Variants in MYT1L observed in about 807,000 individuals in gnomAD.
The protein encoded by MYT1L is myelin transcription factor 1 like.
In MYT1L, 12 loss-of-function variants were observed where a neutral mutation model predicts 126.7. The observed-to-expected ratio is 0.09, with a 90% CI of 0.06 to 0.15. The LOEUF (loss-of-function observed/expected upper bound fraction) is 0.15, where lower values mean the gene tolerates loss of function less well. Ranked by LOEUF, MYT1L falls within the 10% of genes least tolerant of loss-of-function variation. The pLI, the probability that MYT1L is intolerant of heterozygous loss-of-function variation, is 1.00. For missense variants in MYT1L, 979 were observed against 1,585.2 expected (o/e 0.62, Z 6.49); for synonymous variants, 541 against 604.2 (o/e 0.90, Z 1.53).
In MYT1L at chr2:2,017,726, C is replaced by CTCCATCCATCCA. The variant is rs146462005; in HGVS notation, c.-157-20391_-157-20380dup. Among the ~76,000 whole-genome samples the CTCCATCCATCCA allele has an allele frequency of 8.5e-3, 1,290 of 151,968 alleles. 20 individuals are homozygous for CTCCATCCATCCA. The highest frequency in any genetic ancestry group is 0.029 in the African/African-American group (1,184 of 41,414). On this transcript the variant is annotated intron_variant, in intron 4 of 24. Transcript: ENST00000647738. ...TATCTATCTATCTAACCATCCATCC[C>CTCCATCCATCCA]TCCATCCATCCATCCATCCATCCAT...
At chr2:1,916,243 G>A (rs1231901981) in intron 11 of MYT1L, among the ~76,000 whole-genome samples, 2 of 152,174 alleles carry the variant, frequency 1.3e-5, no homozygotes, top group Admixed American at 6.5e-5. Context: ...TCTTTGTGCT[G>A]ACAGGTTTTG....
intron 21 of MYT1L, among the ~76,000 whole-genome samples, chr2:1,817,302 A>C (rs890654432): frequency 6.6e-5 from 10 of 152,142 alleles, no homozygotes; most frequent in African/African-American, 2.4e-4. Flanking sequence ...CAGGGAGGCA[A>C]GTCCCCCATG....
intron 15 of MYT1L, among the ~76,000 whole-genome samples, chr2:1,890,244 A>G (rs1332311605): frequency 6.6e-6 from 1 of 151,822 alleles, no homozygotes; most frequent in Non-Finnish European, 1.5e-5. Context: ...TAATTTTTGT[A>G]TTTTTTAGTA....
At chr2:2,073,119 G>C (rs534539339) in intron 3 of MYT1L, among the ~76,000 whole-genome samples, 7 of 152,202 alleles carry the variant, frequency 4.6e-5, no homozygotes, top group African/African-American at 1.7e-4. Context: ...CATTTCAAAG[G>C]CCCAACTTCC....
intron 3 of MYT1L, among the ~76,000 whole-genome samples, chr2:2,065,498 A>G (rs73911317): frequency 0.029 from 4,409 of 152,156 alleles, 194 homozygotes; most frequent in African/African-American, 0.097. Flanking sequence ...CAAACTCCTC[A>G]TCATTTTAAA....
Position 1,943,097 on chromosome 2 carries a change from C to T in MYT1L, c.390G>A (p.Glu130=). 6.8e-7 allele frequency: 1 copy of T among 1,470,742 alleles called. No individual in the cohort carries two copies. Among genetic ancestry groups the T allele is most frequent in the Non-Finnish European group, 9.3e-7 (1 of 1,073,020 alleles). The allele number at this position is 1,470,742 out of a possible 1,614,324, so 91.1% of individuals were successfully genotyped here. ...CCTCCTCCTCGATCTCCTCCTCCTC[C>T]TCCCGGTCCCCCTCCTCGTCCTCCT... ...EDEEDEEGDR[E]EEEEIEEEDE... The change falls in exon 9 of 25, where the codon GAG becomes GAA. Residue 130 remains glutamate, a synonymous_variant. Transcript: ENST00000647738. The surrounding 1 kb of genome is among the most constrained non-coding windows in gnomAD (Gnocchi z 4.4).
Position 2,018,032 on chromosome 2 carries a change from A to G in MYT1L, c.-157-20685T>C, listed in dbSNP as rs909295813. On this transcript the variant is annotated intron_variant, in intron 4 of 24. Transcript: ENST00000647738. ...TTCTCACTATTCGTGCCTTTATCCT[A>G]TACACACACAAACGCACACACGTAC... Among the ~76,000 whole-genome samples the G allele has an allele frequency of 2.8e-4, 43 of 152,292 alleles. 1 individual carries two copies. Among genetic ancestry groups the G allele is most frequent in the African/African-American group, 1.0e-3 (43 of 41,558 alleles).
chr2:1,925,088 G>T (rs1055643454), intron 9 of MYT1L, among the ~76,000 whole-genome samples: 2 of 152,176 alleles, frequency 1.3e-5, no homozygotes, highest in Non-Finnish European at 2.9e-5. Context: ...ACCACGAGAT[G>T]AATGATAAGC....
intron 2 of MYT1L, among the ~76,000 whole-genome samples, chr2:2,217,846 C>T (rs1187720263): frequency 6.6e-6 from 1 of 152,036 alleles, no homozygotes; most frequent in Non-Finnish European, 1.5e-5. Context: ...ATCTAGAATA[C>T]AAAAAGAGCT....
At chr2:2,256,009 C>T (rs940364517) in intron 2 of MYT1L, among the ~76,000 whole-genome samples, 21 of 152,284 alleles carry the variant, frequency 1.4e-4, no homozygotes, top group African/African-American at 3.9e-4. Context: ...GGAGCCATAG[C>T]GGGGTAAAAG....
chr2:1,900,449 G>A (rs1341477410), intron 14 of MYT1L, among the ~76,000 whole-genome samples: 3 of 152,072 alleles, frequency 2.0e-5, no homozygotes, highest in Non-Finnish European at 2.9e-5. Context: ...ACAGGCACCC[G>A]CCACCACGCC....
intron 14 of MYT1L, among the ~76,000 whole-genome samples, chr2:1,897,563 C>T (rs531802741): frequency 2.0e-5 from 3 of 152,126 alleles, no homozygotes; most frequent in East Asian, 1.9e-4. Context: ...CTCAGGCTCA[C>T]GTGATTCTCT....
At chr2:1,919,981 G>T (rs886725999) in intron 10 of MYT1L, among the ~76,000 whole-genome samples, 1 of 152,160 alleles carries the variant, frequency 6.6e-6, no homozygotes. Flanking sequence ...TTTTTTTAAG[G>T]GAGTTTCTTT....
intron 3 of MYT1L, among the ~76,000 whole-genome samples, chr2:2,103,213 A>G (rs2078314110): frequency 6.6e-6 from 1 of 152,196 alleles, no homozygotes; most frequent in African/African-American, 2.4e-5. Flanking sequence ...GCAATGAAAC[A>G]AATATACTTA....
Position 1,894,708 on chromosome 2 carries a change from G to A in MYT1L, c.2033-2421C>T, listed in dbSNP as rs930852244. Among the ~76,000 whole-genome samples the A allele has an allele frequency of 5.9e-5, 9 of 152,178 alleles. No individual in the cohort carries two copies. The South Asian group carries it at 6.2e-4, about 11-fold the overall frequency. On this transcript the variant is annotated intron_variant, in intron 14 of 24. Coordinates refer to ENST00000647738, the MANE Select transcript of MYT1L (RefSeq NM_001303052.2). ...AACACAAGTTAATGCAACAAACAAC[G>A]GCAGCTGACATAGGTCGGCTGGCAA...
At chr2:2,295,930 G>A (rs564733274) in intron 1 of MYT1L, among the ~76,000 whole-genome samples, 1 of 142,134 alleles carries the variant, frequency 7.0e-6, no homozygotes, top group South Asian at 2.4e-4. Flanking sequence ...AGAGAGAGAG[G>A]TTGGGGGGGA....
intron 2 of MYT1L, among the ~76,000 whole-genome samples, chr2:2,245,748 G>A (rs955547205): frequency 6.6e-6 from 1 of 152,086 alleles, no homozygotes; most frequent in Admixed American, 6.6e-5. Context: ...TTTCACATAG[G>A]CAGTGGAGCC....
At chr2:2,244,296 C>T (rs1472128337) in intron 2 of MYT1L, among the ~76,000 whole-genome samples, 1 of 152,038 alleles carries the variant, frequency 6.6e-6, no homozygotes, top group Non-Finnish European at 1.5e-5. Context: ...TGTTTGTGTC[C>T]ATTTGCAAAA....
At chr2:2,083,406 G>A (rs1037143354) in intron 3 of MYT1L, among the ~76,000 whole-genome samples, 1 of 152,172 alleles carries the variant, frequency 6.6e-6, no homozygotes, top group African/African-American at 2.4e-5. Flanking sequence ...CCCACAGCCC[G>A]CTGTCACAGC....
Sources: gnomAD v4.1 joint callset for allele counts (sites outside exome capture counted in the v4.1 genomes callset) on GRCh38, gnomAD v4.1.1 for gene constraint, Gnocchi (gnomAD v3.1) non-coding constraint, MANE v1.5 for transcripts, NCBI Gene and HGNC (gene_info 2026-07-23, HGNC 2026-07-21) for gene names.